The following LYZL6 variants were observed in gnomAD, a reference collection of about 807,000 sequenced individuals.
LYZL6 encodes lysozyme-like protein 6.
LYZL6 carries 21 observed loss-of-function variants against 15.0 expected under a neutral mutation model. That is an observed-to-expected ratio of 1.40 (90% CI 1.00 to 2.02). The LOEUF (loss-of-function observed/expected upper bound fraction) is 2.02. Ranked by LOEUF, LYZL6 falls within the 30% of genes most tolerant of loss-of-function variation. LYZL6 has a pLI of 0.00. For missense variants in LYZL6, 173 were observed against 180.5 expected, an observed-to-expected ratio of 0.96 and a Z score of 0.24; for synonymous variants, 72 against 67.8, an observed-to-expected ratio of 1.06 and a Z score of -0.31.
At chr17:35,938,792 T>C (rs1167441905) in intron 2 of LYZL6, among the ~76,000 whole-genome samples, 1 of 152,166 alleles carries the variant, frequency 6.6e-6, no homozygotes, top group Admixed American at 6.6e-5. Context: ...CCCAGACATT[T>C]GGGTGACCAG....
chr17:35,934,627 A>G lies in LYZL6; in HGVS notation c.*169T>C, dbSNP rs2089353330. ...CAGGGGACTGGGTCCAGATGGGAGT[A>G]AGGAGGAAGCCAAGAAAACCATTTA... On this transcript the variant is annotated 3_prime_UTR_variant, in exon 5 of 5. Transcript: ENST00000615905. 4.9e-6 allele frequency: 3 copies of G among 609,282 alleles called. No individual in the cohort carries two copies. In the Admixed American group the frequency reaches 8.9e-5, roughly 18 times the overall value. 37.7% of individuals were successfully genotyped at this position (609,282 alleles called of 1,614,324 possible).
intron 1 of LYZL6, among the ~76,000 whole-genome samples, chr17:35,941,195 G>GGGACAAAA (rs1439482519): frequency 6.6e-6 from 1 of 152,174 alleles, no homozygotes; most frequent in East Asian, 1.9e-4. Flanking sequence ...GTATCCTAGT[G>GGGACAAAA]GGTATGAACT....
At position 35,939,502 on chromosome 17, in the gene LYZL6, A is replaced by G. The variant is rs2089408356; in HGVS notation, c.-146T>C. The G allele has an allele frequency of 8.1e-6, 5 of 614,634 alleles. No individual in the cohort carries two copies. Among genetic ancestry groups the G allele is most frequent in the South Asian group, 6.1e-5 (2 of 32,610 alleles). 38.1% of individuals were successfully genotyped at this position (614,634 alleles called of 1,614,324 possible). A position where few individuals can be genotyped will look rare whatever the true frequency, so the allele number is the denominator to read the frequency against. The stretch of plus-strand genomic sequence containing the variant: ...CACTGCTCCAACCTGGCTGTTTCCA[A>G]TCTCTTTTCTCTTGTTTATTATTTT... On this transcript the variant is annotated 5_prime_UTR_variant, in exon 2 of 5. Coordinates refer to ENST00000615905, the MANE Select transcript of LYZL6 (RefSeq NM_020426.4).
chr17:35,934,642 A>G lies in LYZL6; in HGVS notation c.*154T>C, dbSNP rs1246663649. On this transcript the variant is annotated 3_prime_UTR_variant, in exon 5 of 5. Coordinates refer to ENST00000615905, the MANE Select transcript of LYZL6 (RefSeq NM_020426.4). Reference sequence around the variant, plus strand: ...AGATGGGAGTAAGGAGGAAGCCAAGAAAACCATTTATTCCTGGGGCTCTGG... The same window carrying G: ...AGATGGGAGTAAGGAGGAAGCCAAGGAAACCATTTATTCCTGGGGCTCTGG... 1.2e-5 allele frequency: 8 copies of G among 680,760 alleles called. No individual in the cohort carries two copies. Among genetic ancestry groups the G allele is most frequent in the Non-Finnish European group, 1.9e-5 (8 of 412,096 alleles). 42.2% of individuals were successfully genotyped at this position (680,760 alleles called of 1,614,324 possible).
At chr17:35,943,029 A>T (rs2089435647) in intron 1 of LYZL6, among the ~76,000 whole-genome samples, 1 of 151,140 alleles carries the variant, frequency 6.6e-6, no homozygotes, top group Non-Finnish European at 1.5e-5. Flanking sequence ...AGGATAAGAC[A>T]TCCCCTCCTC....
At chr17:35,940,590 T>C (rs2141968808) in intron 1 of LYZL6, among the ~76,000 whole-genome samples, 1 of 152,224 alleles carries the variant, frequency 6.6e-6, no homozygotes, top group East Asian at 1.9e-4. Context: ...TGCAGAGTTG[T>C]ACAACTACTA....
chr17:35,936,619 TC>T (rs1387142643), intron 4 of LYZL6, 135 bp downstream of exon 4: 2 of 693,156 alleles, frequency 2.9e-6, no homozygotes, highest in East Asian at 2.5e-5. Context: ...ATCTCAGAGT[TC>T]CAAGCCCGTC....
At position 35,943,181 on chromosome 17, in the gene LYZL6, C is replaced by T. The variant is rs544854095; in HGVS notation, c.-203+386G>A. On this transcript the variant is annotated intron_variant, in intron 1 of 4. Coordinates refer to ENST00000615905, the MANE Select transcript of LYZL6 (RefSeq NM_020426.4). Reference sequence around the variant, plus strand: ...TCCTGCTCCAAACTCACTCTGTGTGCGTGTGTGTCTGCGACCTCGATCTCC... The same window carrying T: ...TCCTGCTCCAAACTCACTCTGTGTGTGTGTGTGTCTGCGACCTCGATCTCC... Among the ~76,000 whole-genome samples, 8 of 152,224 alleles carry T rather than the reference C, an allele frequency of 5.3e-5. No homozygotes were observed. In the South Asian group the frequency reaches 1.2e-3, roughly 24 times the overall value.
Position 35,936,755 on chromosome 17 carries a change from C to CT in LYZL6, c.376_377insA (p.Trp126Ter). 6 of 1,613,312 alleles carry CT rather than the reference C, an allele frequency of 3.7e-6. No homozygotes were observed. Among genetic ancestry groups the CT allele is most frequent in the Non-Finnish European group, 4.2e-6 (5 of 1,179,902 alleles). The change falls in exon 4 of 5, where the codon TGG (tryptophan) becomes TAGG (stop). Residue 126 changes from tryptophan (W) to a stop codon, truncating the protein, a stop_gained and frameshift_variant and splice_region_variant. Transcript: ENST00000615905. LOFTEE classifies it high-confidence loss of function. ...CTGAGTCCCACCGTGTCCTCCTCACCAGTTGTTCATCCCCCGTGCTCCGGA... is the reference window on the plus strand; with the variant it reads ...CTGAGTCCCACCGTGTCCTCCTCACCTAGTTGTTCATCCCCCGTGCTCCGGA... The part of the protein sequence containing the change: ...IVSGARGMNN[W>*]VEWRLHCSGR...
rs554612491 is a variant in LYZL6, at chr17:35,938,482, G to A, written c.140-566C>T. 1.2e-3 allele frequency among the ~76,000 whole-genome samples: 177 copies of A among 152,126 alleles called. 2 individuals carry two copies. The highest frequency in any genetic ancestry group is 6.8e-3 in the Middle Eastern group (2 of 294). On this transcript the variant is annotated intron_variant, in intron 2 of 4. Coordinates refer to ENST00000615905, the MANE Select transcript of LYZL6 (RefSeq NM_020426.4). Reference sequence around the variant, plus strand: ...AAAATACAAAAATTAGCTGGGCATGGTGGTGGGTGCCTGTAGTTCCAGCTA... The same window carrying A: ...AAAATACAAAAATTAGCTGGGCATGATGGTGGGTGCCTGTAGTTCCAGCTA...
rs1018311429 is a variant in LYZL6, at chr17:35,935,013, C to T, written c.378-148G>A. ...CCTCTGGTCTGTCCTCCACTGTCCC[C>T]TCTGACGAATCCTGTAAAACTCTCT... On this transcript the variant is annotated intron_variant, in intron 4 of 4. Transcript: ENST00000615905. 12 of 648,996 alleles carry T rather than the reference C, an allele frequency of 1.8e-5. No individual in the cohort carries two copies. The African/African-American group carries it at 2.0e-4, about 11-fold the overall frequency. 40.2% of individuals were successfully genotyped at this position (648,996 alleles called of 1,614,324 possible).
rs201930006 is a variant in LYZL6, at chr17:35,937,719, G to C, written c.298+39C>G. ...GAAGTTCTGTGAGCAGAGCCTGGTT[G>C]CTGCTCTCATCTCTCCCACCCTGGG... On this transcript the variant is annotated intron_variant, in intron 3 of 4. Coordinates refer to ENST00000615905, the MANE Select transcript of LYZL6 (RefSeq NM_020426.4). 1.1e-4 allele frequency: 173 copies of C among 1,594,680 alleles called. 1 individual carries two copies. In the East Asian group the frequency reaches 2.8e-3, roughly 26 times the overall value.
intron 3 of LYZL6, among the ~76,000 whole-genome samples, chr17:35,937,091 T>C (rs75447032): frequency 2.2e-4 from 34 of 152,298 alleles, no homozygotes; most frequent in Non-Finnish European, 4.3e-4. Flanking sequence ...GGGTAGATAG[T>C]GGTTCACTCA....
chr17:35,939,755 C>T (rs1327025312), intron 1 of LYZL6, among the ~76,000 whole-genome samples, 197 bp from the exon 2 acceptor site: 2 of 152,124 alleles, frequency 1.3e-5, no homozygotes, highest in Non-Finnish European at 2.9e-5. Context: ...ATCTCAGCCT[C>T]CCAAAGTGCT....
rs2089387842 is a variant in LYZL6 at position 35,937,788 on chromosome 17, A to C, written c.268T>G (p.Ser90Ala). 1 of 1,614,048 alleles carries C rather than the reference A, an allele frequency of 6.2e-7. No individual in the cohort carries two copies. Among genetic ancestry groups the C allele is most frequent in the Admixed American group, 1.7e-5 (1 of 60,012 alleles). ...CAGTCTACGTGGCAAAGGTTTTCCG[A>C]GTAACTCTTATAATCGTTGCACCAG... ...HYWCNDYKSY[S>A]ENLCHVDCQD... Residue 90 changes from serine (S) to alanine (A), a missense_variant, in exon 3 of 5, where the codon TCG becomes GCG. Transcript: ENST00000615905.
rs754773218 is a variant in LYZL6, at chr17:35,936,941, T to C, written c.299-108A>G. ...CCCTATGCCACCTAGAGGCTTCCAGTTGAGGCAAAGGCTGTCTCCCAGGGG... is the reference window on the plus strand; with the variant it reads ...CCCTATGCCACCTAGAGGCTTCCAGCTGAGGCAAAGGCTGTCTCCCAGGGG... On this transcript the variant is annotated intron_variant, in intron 3 of 4. Transcript: ENST00000615905. 14 of 934,502 alleles carry C rather than the reference T, an allele frequency of 1.5e-5. No individual in the cohort carries two copies. In the Admixed American group the frequency reaches 1.7e-4, roughly 11 times the overall value. 57.9% of individuals were successfully genotyped at this position (934,502 alleles called of 1,614,324 possible). A position where few individuals can be genotyped will look rare whatever the true frequency, so the allele number is the denominator to read the frequency against.
chr17:35,936,160 C>G (rs1442222937), intron 4 of LYZL6, among the ~76,000 whole-genome samples: 1 of 152,204 alleles, frequency 6.6e-6, no homozygotes, highest in Non-Finnish European at 1.5e-5. Flanking sequence ...CCACAGGGCC[C>G]GAGCGGCAGC....
At chr17:35,940,191 T>A (rs2089414677) in intron 1 of LYZL6, among the ~76,000 whole-genome samples, 1 of 152,176 alleles carries the variant, frequency 6.6e-6, no homozygotes, top group African/African-American at 2.4e-5. Flanking sequence ...TTGGGCAACA[T>A]ACTCAACCTT....
intron 1 of LYZL6, among the ~76,000 whole-genome samples, chr17:35,940,053 G>A (rs1025017018): frequency 2.0e-5 from 3 of 152,126 alleles, no homozygotes; most frequent in Non-Finnish European, 4.4e-5. Flanking sequence ...ACAATTCTTG[G>A]TGGGCTGGCT....
Sources: allele counts gnomAD v4.1 joint callset (sites outside exome capture counted in the v4.1 genomes callset), GRCh38; gene constraint gnomAD v4.1.1; transcripts MANE v1.5; gene names NCBI Gene and HGNC (gene_info 2026-07-23, HGNC 2026-07-21).